NKAIN3: variants seen among roughly 807,000 people sequenced by gnomAD.
NKAIN3 encodes sodium/potassium transporting ATPase interacting 3, also known as sodium/potassium-transporting ATPase subunit beta-1-interacting protein 3.
In NKAIN3, 25 loss-of-function variants were observed where a neutral mutation model predicts 30.2. The observed-to-expected ratio is 0.83, with a 90% CI of 0.60 to 1.16. The LOEUF is 1.16. Among genes scored for constraint, NKAIN3 ranks in the 50% most tolerant of loss-of-function variants. NKAIN3 has a pLI of 0.00. For missense variants in NKAIN3, 225 were observed against 254.1 expected (o/e 0.89, Z 0.78); for synonymous variants, 91 against 89.6 (o/e 1.02, Z -0.09).
At chr8:62,663,067 T>C (rs767863129) in intron 3 of NKAIN3, among the ~76,000 whole-genome samples, 2 of 152,138 alleles carry the variant, frequency 1.3e-5, no homozygotes, top group Non-Finnish European at 2.9e-5. Flanking sequence ...ATTACAGACA[T>C]GAATAAGGCA....
rs555051285 is a variant in NKAIN3 at position 62,323,050 on chromosome 8, G to A, written c.54+73923G>A. Among the ~76,000 whole-genome samples the A allele has an allele frequency of 3.3e-5, 5 of 152,330 alleles. No individual in the cohort carries two copies. In the East Asian group the frequency reaches 9.6e-4, roughly 29 times the overall value. ...GCATCCAATGCTGGAGAAAATATGG[G>A]ACAGCAGGAACTCTCATCCATTGCT... On this transcript the variant is annotated intron_variant, in intron 1 of 6. Coordinates refer to ENST00000623646, the MANE Select transcript of NKAIN3 (RefSeq NM_001304533.3).
chr8:62,800,823 C>T (rs1244997206), intron 4 of NKAIN3, among the ~76,000 whole-genome samples: 1 of 152,208 alleles, frequency 6.6e-6, no homozygotes, highest in Non-Finnish European at 1.5e-5. Flanking sequence ...CATTGCCTCA[C>T]TCGGGAAGTG....
chr8:62,863,789 C>A (rs1820332446), intron 4 of NKAIN3: 1 of 1,611,408 alleles, frequency 6.2e-7, no homozygotes. Flanking sequence ...GAAGTGCCCC[C>A]ATCCAAGCTT....
intron 3 of NKAIN3, 21 bp from the exon 4 acceptor site, chr8:62,746,910 CT>C (rs1221770422): frequency 6.4e-7 from 1 of 1,566,000 alleles, no homozygotes; most frequent in Admixed American, 1.7e-5. Context: ...TCATTTTGCT[CT>C]TTTGTCTCCT....
At position 62,967,921 on chromosome 8, in the gene NKAIN3, A is replaced by C. The variant is rs535881528; in HGVS notation, c.*2514A>C. ...CACTGCAGAGTCTGAACTTAGTCTA[A>C]GTGCAGATAACAGCTTTGAGGAAAA... On this transcript the variant is annotated 3_prime_UTR_variant, in exon 7 of 7. Transcript: ENST00000623646. Among the ~76,000 whole-genome samples the C allele has an allele frequency of 6.6e-5, 10 of 152,344 alleles. No individual in the cohort carries two copies. Among genetic ancestry groups the C allele is most frequent in the African/African-American group, 1.9e-4 (8 of 41,580 alleles).
intron 5 of NKAIN3, among the ~76,000 whole-genome samples, chr8:62,949,196 C>G (rs369025938): frequency 6.6e-6 from 1 of 152,158 alleles, no homozygotes; most frequent in East Asian, 1.9e-4. Context: ...CAGCACGAGA[C>G]GAAGGAGAGT....
intron 3 of NKAIN3, among the ~76,000 whole-genome samples, chr8:62,711,429 A>G (rs1282700349): frequency 6.6e-6 from 1 of 151,980 alleles, no homozygotes; most frequent in African/African-American, 2.4e-5. Flanking sequence ...CTTTGTTTGT[A>G]TATTCTTATT....
chr8:62,794,061 C>A (rs1336881311), intron 4 of NKAIN3, among the ~76,000 whole-genome samples: 1 of 152,212 alleles, frequency 6.6e-6, no homozygotes, highest in Non-Finnish European at 1.5e-5. Flanking sequence ...TAAAAGGCCT[C>A]TCTTACAACA....
At position 62,496,677 on chromosome 8, in the gene NKAIN3, T is replaced by A. The variant is rs191037383; in HGVS notation, c.55-82862T>A. 4.6e-5 allele frequency among the ~76,000 whole-genome samples: 7 copies of A among 152,220 alleles called. No homozygotes were observed. The East Asian group carries it at 7.7e-4, about 17-fold the overall frequency. On this transcript the variant is annotated intron_variant, in intron 1 of 6. Transcript: ENST00000623646. ...GATTGAGATAATATAAAGAGTAGATTTCAATGGTGTCAGGGAATATGGGAA... is the reference window on the plus strand; with the variant it reads ...GATTGAGATAATATAAAGAGTAGATATCAATGGTGTCAGGGAATATGGGAA...
intron 4 of NKAIN3, among the ~76,000 whole-genome samples, chr8:62,879,752 A>C (rs537759900): frequency 6.6e-6 from 1 of 152,150 alleles, no homozygotes; most frequent in Non-Finnish European, 1.5e-5. Context: ...ATGGGAGTAC[A>C]TGTTGGTTTC....
At chr8:62,754,141 T>A (rs955167892) in intron 4 of NKAIN3, among the ~76,000 whole-genome samples, 1 of 152,160 alleles carries the variant, frequency 6.6e-6, no homozygotes, top group South Asian at 2.1e-4. Flanking sequence ...AGAGATGTTA[T>A]AGTTGCTTTT....
intron 3 of NKAIN3, among the ~76,000 whole-genome samples, chr8:62,723,218 T>G (rs183457082): frequency 6.6e-6 from 1 of 152,264 alleles, no homozygotes; most frequent in East Asian, 1.9e-4. Context: ...TAAAACAACA[T>G]TTATTATTTT....
Position 62,523,780 on chromosome 8 carries a change from A to G in NKAIN3, c.55-55759A>G, listed in dbSNP as rs530805836. Among the ~76,000 whole-genome samples, 7 of 152,224 alleles carry G rather than the reference A, an allele frequency of 4.6e-5. No individual in the cohort carries two copies. The East Asian group carries it at 1.4e-3, about 30-fold the overall frequency. ...AAGAGGACAAGGGAGTAATGAACCC[A>G]TAGCAAGTGTGTATCGCGGGTACAG... On this transcript the variant is annotated intron_variant, in intron 1 of 6. Transcript: ENST00000623646.
intron 1 of NKAIN3, among the ~76,000 whole-genome samples, chr8:62,544,534 T>G (rs1808947976): frequency 6.6e-6 from 1 of 152,146 alleles, no homozygotes; most frequent in Non-Finnish European, 1.5e-5. Flanking sequence ...TTTTCATTTT[T>G]AATCAAAAAA....
At chr8:62,553,934 A>G (rs1316826241) in intron 1 of NKAIN3, among the ~76,000 whole-genome samples, 1 of 152,196 alleles carries the variant, frequency 6.6e-6, no homozygotes, top group African/African-American at 2.4e-5. Flanking sequence ...TTCTACTTTT[A>G]CTTGTTCCAA....
Position 62,248,938 on chromosome 8 carries a change from C to T in NKAIN3, c.-136C>T. ...CAAAGGCGGGCGCGAGCCCCGAGCC[C>T]TGGAGCCGCGAGCGGCGGCCGCGGG... On this transcript the variant is annotated 5_prime_UTR_variant, in exon 1 of 7. Coordinates refer to ENST00000623646, the MANE Select transcript of NKAIN3 (RefSeq NM_001304533.3). 1 of 753,172 alleles carries T rather than the reference C, an allele frequency of 1.3e-6. No individual in the cohort carries two copies. Among genetic ancestry groups the T allele is most frequent in the Non-Finnish European group, 2.0e-6 (1 of 493,978 alleles). 46.7% of individuals were successfully genotyped at this position (753,172 alleles called of 1,614,324 possible).
chr8:62,636,577 A>G (rs1812136890), intron 3 of NKAIN3, among the ~76,000 whole-genome samples: 1 of 152,226 alleles, frequency 6.6e-6, no homozygotes, highest in Admixed American at 6.5e-5. Context: ...GCCCATGGCA[A>G]TGCCAAGGCA....
chr8:62,397,629 C>G (rs1176678312), intron 1 of NKAIN3, among the ~76,000 whole-genome samples: 5 of 152,166 alleles, frequency 3.3e-5, no homozygotes, highest in Non-Finnish European at 2.9e-5. Context: ...CCCTACTCCT[C>G]AGTCCTTGGA....
At chr8:62,501,440 T>A (rs1282153293) in intron 1 of NKAIN3, among the ~76,000 whole-genome samples, 1 of 152,194 alleles carries the variant, frequency 6.6e-6, no homozygotes, top group Non-Finnish European at 1.5e-5. Context: ...CTATGTTTCA[T>A]TTGCTTTCTC....
Sources: gnomAD v4.1 joint callset for allele counts (sites outside exome capture counted in the v4.1 genomes callset) on GRCh38, gnomAD v4.1.1 for gene constraint, MANE v1.5 for transcripts, NCBI Gene and HGNC (gene_info 2026-07-23, HGNC 2026-07-21) for gene names.